The following SRGAP2C variants were observed in gnomAD, a reference collection of about 807,000 sequenced individuals.
SRGAP2C encodes SLIT-ROBO Rho GTPase-activating protein 2C.
Under a neutral mutation model 25.1 loss-of-function variants are expected in SRGAP2C, and 15 were observed. That is an observed-to-expected ratio of 0.60 (90% CI 0.40 to 0.92). The LOEUF (loss-of-function observed/expected upper bound fraction) is 0.92, where lower values mean the gene tolerates loss of function less well. Ranked by LOEUF, SRGAP2C falls within the 40% of genes least tolerant of loss-of-function variation. SRGAP2C has a pLI of 0.00. For missense variants in SRGAP2C, 144 were observed against 264.4 expected (o/e 0.54, Z 3.16); for synonymous variants, 44 against 96.6 (o/e 0.46, Z 3.19).
chr1:121,224,049 C>G (rs1345389501), intron 2 of SRGAP2C, among the ~76,000 whole-genome samples: 1 of 152,228 alleles, frequency 6.6e-6, no homozygotes, highest in Non-Finnish European at 1.5e-5. Context: ...TTAGCATTGA[C>G]TATGTGCAAG....
intron 4 of SRGAP2C, among the ~76,000 whole-genome samples, chr1:121,347,005 G>A (rs1173990303): frequency 2.0e-5 from 3 of 151,958 alleles, no homozygotes; most frequent in African/African-American, 7.3e-5. Context: ...GGCCGGGGTA[G>A]GGGTACTGAT....
In SRGAP2C at chr1:121,284,937, G is replaced by A; in HGVS notation, c.202G>A (p.Glu68Lys). 3 of 1,547,886 alleles carry A rather than the reference G, an allele frequency of 1.9e-6. No homozygotes were observed. The highest frequency in any genetic ancestry group is 2.6e-6 in the Non-Finnish European group (3 of 1,145,442). ...EIEMDYSRNL[E>K]KLAEHFLAKT... ...TGAGATGGACTACTCCCGCAACCTG[G>A]AGAAGCTGGCAGAACACTTCCTGGC... The change falls in exon 3 of 10, where the codon GAG (glutamate) becomes AAG (lysine). Residue 68 changes from glutamate (E) to lysine (K), a missense_variant. Physicochemically the swap from Glu to Lys is moderately conservative, Grantham distance 56. Around this residue, in one of 5 missense-constraint regions of SRGAP2C, gnomAD observed 61 missense variants for 61.7 expected, o/e 0.99. Transcript: ENST00000367123.
intron 4 of SRGAP2C, among the ~76,000 whole-genome samples, chr1:121,337,692 A>G (rs1165108582): frequency 6.8e-6 from 1 of 146,562 alleles, no homozygotes; most frequent in Non-Finnish European, 1.5e-5. Context: ...AAAGGAGAGG[A>G]TTGTTAATAC....
chr1:121,320,985 T>C (rs1298656725), intron 3 of SRGAP2C, among the ~76,000 whole-genome samples: 3 of 152,192 alleles, frequency 2.0e-5, no homozygotes, highest in Non-Finnish European at 1.5e-5. Context: ...GGCTCACCTG[T>C]ACAGCTTTAT....
intron 2 of SRGAP2C, among the ~76,000 whole-genome samples, chr1:121,216,441 C>T (rs587629400): frequency 4.6e-5 from 7 of 151,646 alleles, no homozygotes; most frequent in African/African-American, 1.2e-4. Context: ...TTATAGATGG[C>T]CAAGGAAAGT....
At chr1:121,216,318 C>T (rs1284370539) in intron 2 of SRGAP2C, among the ~76,000 whole-genome samples, 2 of 152,072 alleles carry the variant, frequency 1.3e-5, no homozygotes, top group Admixed American at 1.3e-4. Flanking sequence ...TCTTCCATTT[C>T]TCATTGGGGT....
intron 7 of SRGAP2C, among the ~76,000 whole-genome samples, chr1:121,378,944 T>C (rs1659742136): frequency 6.6e-6 from 1 of 152,320 alleles, no homozygotes; most frequent in Non-Finnish European, 1.5e-5. Context: ...AAAAAGACGT[T>C]CTGAGCTCAT....
At position 121,308,444 on chromosome 1, in the gene SRGAP2C, G is replaced by T. The variant is rs1461586523; in HGVS notation, c.261-16034G>T. Among the ~76,000 whole-genome samples, 24 of 151,386 alleles carry T rather than the reference G, an allele frequency of 1.6e-4. No individual in the cohort carries two copies. In the East Asian group the frequency reaches 4.7e-3, roughly 30 times the overall value. ...GGCACAGAAGATTCACTGAGTTTGG[G>T]AATTTCCAGAGAATCAGATGATAAA... On this transcript the variant is annotated intron_variant, in intron 3 of 9. Coordinates refer to ENST00000367123, the MANE Select transcript of SRGAP2C (RefSeq NM_001329984.2).
intron 4 of SRGAP2C, among the ~76,000 whole-genome samples, chr1:121,347,277 G>C (rs1292011920): frequency 9.6e-6 from 1 of 103,656 alleles, no homozygotes; most frequent in Admixed American, 1.1e-4. Flanking sequence ...AAATTATGGA[G>C]AGTGCAGACT....
chr1:121,282,544 G>A (rs1239383733), intron 2 of SRGAP2C, among the ~76,000 whole-genome samples: 5 of 151,068 alleles, frequency 3.3e-5, no homozygotes, highest in East Asian at 3.9e-4. Flanking sequence ...CCCTAAAAAC[G>A]CCTTGGTTCT....
intron 2 of SRGAP2C, among the ~76,000 whole-genome samples, chr1:121,216,585 A>G (rs1354104722): frequency 6.9e-6 from 1 of 144,882 alleles, no homozygotes; most frequent in Non-Finnish European, 1.5e-5. Context: ...TCATGTATAC[A>G]TGGGTTTGGG....
chr1:121,225,957 G>A (rs1312482098), intron 2 of SRGAP2C, among the ~76,000 whole-genome samples: 7 of 148,526 alleles, frequency 4.7e-5, no homozygotes, highest in South Asian at 4.3e-4. Context: ...CAACTGCCTC[G>A]GCCTCCCAAA....
intron 3 of SRGAP2C, among the ~76,000 whole-genome samples, chr1:121,308,278 T>A (rs1657889371): frequency 6.8e-6 from 1 of 146,640 alleles, no homozygotes; most frequent in Admixed American, 6.9e-5. Flanking sequence ...GTTTCCTCAC[T>A]CAGAAAATGA....
chr1:121,346,771 C>CA (rs1658755176), intron 4 of SRGAP2C, among the ~76,000 whole-genome samples: 1 of 151,826 alleles, frequency 6.6e-6, no homozygotes. Flanking sequence ...ATTAAACTGG[C>CA]AGGCAGATGA....
chr1:121,295,734 T>TTCA (rs1425362653), intron 3 of SRGAP2C, among the ~76,000 whole-genome samples: 2 of 149,966 alleles, frequency 1.3e-5, no homozygotes, highest in African/African-American at 5.0e-5. Flanking sequence ...CTTTTTTGTT[T>TTCA]TTGTTGTTGT....
At chr1:121,308,002 G>A (rs1353829754) in intron 3 of SRGAP2C, among the ~76,000 whole-genome samples, 6 of 151,932 alleles carry the variant, frequency 3.9e-5, no homozygotes, top group Non-Finnish European at 5.9e-5. Flanking sequence ...GCTTTCAGGC[G>A]CCATTAGGCA....
chr1:121,201,807 G>A (rs1418743277), intron 2 of SRGAP2C, among the ~76,000 whole-genome samples: 5 of 152,336 alleles, frequency 3.3e-5, no homozygotes, highest in Admixed American at 6.5e-5. Context: ...ATCCGATAAC[G>A]TTAGGAGCAG....
At chr1:121,188,496 C>T (rs1409506048) in intron 2 of SRGAP2C, among the ~76,000 whole-genome samples, 4 of 147,082 alleles carry the variant, frequency 2.7e-5, no homozygotes, top group East Asian at 2.0e-4. Context: ...CTGGAAAGAG[C>T]CATGTGGCTC....
intron 4 of SRGAP2C, among the ~76,000 whole-genome samples, chr1:121,343,192 A>AT (rs1658670353): frequency 6.6e-6 from 1 of 151,832 alleles, no homozygotes; most frequent in African/African-American, 2.4e-5. Context: ...TTTTTCAAAC[A>AT]TTGATATATC....
Sources: allele counts gnomAD v4.1 joint callset (sites outside exome capture counted in the v4.1 genomes callset), GRCh38; gene constraint gnomAD v4.1.1; regional missense constraint gnomAD v4.1.1; transcripts MANE v1.5; gene names NCBI Gene and HGNC (gene_info 2026-07-23, HGNC 2026-07-21).